The following OSBPL11 variants were observed in gnomAD, a reference collection of about 807,000 sequenced individuals.
The protein encoded by OSBPL11 is oxysterol binding protein like 11, also known as oxysterol-binding protein-related protein 11.
In OSBPL11, 33 loss-of-function variants were observed where a neutral mutation model predicts 84.4. The ratio of observed to expected loss-of-function variants is 0.39; its 90% CI spans 0.30 to 0.52. OSBPL11 has a LOEUF of 0.52. OSBPL11 is among the 20% of genes least tolerant of loss of function. The pLI, the probability that OSBPL11 is intolerant of heterozygous loss-of-function variation, is 0.72. For missense variants in OSBPL11, 736 were observed against 901.1 expected (o/e 0.82, Z 2.35); for synonymous variants, 276 against 310.2 (o/e 0.89, Z 1.16).
rs184373188 is a variant in OSBPL11 at position 125,554,740 on chromosome 3, A to G, written c.1156-2061T>C. Reference sequence around the variant, plus strand: ...AATCAGAAAATTTAAAAACATGACAATAATTAAAAGTCAAAAGAAGAGTTA... The same window carrying G: ...AATCAGAAAATTTAAAAACATGACAGTAATTAAAAGTCAAAAGAAGAGTTA... On this transcript the variant is annotated intron_variant, in intron 8 of 12. Coordinates refer to ENST00000296220, the MANE Select transcript of OSBPL11 (RefSeq NM_022776.5). Among the ~76,000 whole-genome samples the G allele has an allele frequency of 1.2e-4, 18 of 152,258 alleles. No homozygotes were observed. The East Asian group carries it at 2.9e-3, about 24-fold the overall frequency.
intron 10 of OSBPL11, among the ~76,000 whole-genome samples, chr3:125,545,354 A>G (rs1360122457): frequency 1.1e-4 from 17 of 152,344 alleles, no homozygotes; most frequent in Non-Finnish European, 2.9e-5. Flanking sequence ...GATGAATCAG[A>G]ACTAAAAATT....
chr3:125,543,868 C>A (rs1170377387), intron 10 of OSBPL11, among the ~76,000 whole-genome samples: 1 of 151,866 alleles, frequency 6.6e-6, no homozygotes, highest in Non-Finnish European at 1.5e-5. Context: ...CCACTGCACT[C>A]CAGCCTGGGC....
chr3:125,563,190 C>T (rs1936102851), intron 7 of OSBPL11, among the ~76,000 whole-genome samples: 1 of 152,096 alleles, frequency 6.6e-6, no homozygotes, highest in Admixed American at 6.5e-5. Context: ...AAACACTCTT[C>T]AGCTTCTAAG....
At chr3:125,572,934 CACAT>C (rs1007304196) in intron 5 of OSBPL11, among the ~76,000 whole-genome samples, 7 of 141,278 alleles carry the variant, frequency 5.0e-5, no homozygotes, top group African/African-American at 1.8e-4. Context: ...TACACACACA[CACAT>C]ACTTTAAAGC....
intron 8 of OSBPL11, among the ~76,000 whole-genome samples, chr3:125,556,810 C>A (rs1278457324): frequency 6.6e-6 from 1 of 152,094 alleles, no homozygotes; most frequent in Non-Finnish European, 1.5e-5. Context: ...ATAATTAACA[C>A]ACAAGTCAAG....
At chr3:125,535,722 G>A (rs921523615) in intron 11 of OSBPL11, among the ~76,000 whole-genome samples, 2 of 150,170 alleles carry the variant, frequency 1.3e-5, no homozygotes, top group African/African-American at 4.9e-5. Flanking sequence ...TGACACACCC[G>A]CCTTGGCCTT....
chr3:125,569,826 A>G (rs1487382223), intron 5 of OSBPL11, among the ~76,000 whole-genome samples: 1 of 152,248 alleles, frequency 6.6e-6, no homozygotes, highest in Admixed American at 6.5e-5. Context: ...CCGAAGGAGT[A>G]CATACTATAT....
chr3:125,555,968 C>A (rs1178468223), intron 8 of OSBPL11, among the ~76,000 whole-genome samples: 1 of 152,226 alleles, frequency 6.6e-6, no homozygotes, highest in African/African-American at 2.4e-5. Context: ...CAGGCGTGAG[C>A]CACTGCACCT....
intron 1 of OSBPL11, among the ~76,000 whole-genome samples, chr3:125,592,922 T>G (rs1381509921): frequency 6.6e-6 from 1 of 152,086 alleles, no homozygotes; most frequent in African/African-American, 2.4e-5. Flanking sequence ...AACACATAAG[T>G]GTAAATCTTT....
chr3:125,560,502 A>G lies in OSBPL11; in HGVS notation c.1032T>C (p.Asn344=). 1 of 1,576,952 alleles carries G rather than the reference A, an allele frequency of 6.3e-7. No individual in the cohort carries two copies. Among genetic ancestry groups the G allele is most frequent in the Non-Finnish European group, 8.6e-7 (1 of 1,159,306 alleles). ...ATGTATCCTCTATCTCATCATCTGCATTTATTTCTTCAGGCTCCTTGATGG... is the reference window on the plus strand; with the variant it reads ...ATGTATCCTCTATCTCATCATCTGCGTTTATTTCTTCAGGCTCCTTGATGG... ...GLLAREPEEI[N]ADDEIEDTCD... is the part of the protein sequence containing the mutation. Residue 344 remains asparagine (N), a synonymous_variant, in exon 8 of 13, where the codon AAT becomes AAC. Coordinates refer to ENST00000296220, the MANE Select transcript of OSBPL11 (RefSeq NM_022776.5).
At position 125,594,929 on chromosome 3, in the gene OSBPL11, C is replaced by G; in HGVS notation, c.-129G>C. On this transcript the variant is annotated 5_prime_UTR_variant, in exon 1 of 13. Coordinates refer to ENST00000296220, the MANE Select transcript of OSBPL11 (RefSeq NM_022776.5). ...TTGCTAAATCACACGGCGGCTGGGG[C>G]GGGACTGTCAAATGGTCCAGAAAAG... The G allele has an allele frequency of 9.8e-7, 1 of 1,019,018 alleles. No individual in the cohort carries two copies. The highest frequency in any genetic ancestry group is 2.4e-4 in the Middle Eastern group (1 of 4,120). 63.1% of individuals were successfully genotyped at this position (1,019,018 alleles called of 1,614,324 possible).
At chr3:125,546,840 T>C (rs560306642) in intron 10 of OSBPL11, among the ~76,000 whole-genome samples, 2 of 152,104 alleles carry the variant, frequency 1.3e-5, no homozygotes, top group East Asian at 1.9e-4. Context: ...GGAGCCAAGA[T>C]TGTGCCACTG....
intron 8 of OSBPL11, among the ~76,000 whole-genome samples, chr3:125,554,242 G>A (rs544190608): frequency 2.0e-5 from 3 of 152,266 alleles, no homozygotes; most frequent in East Asian, 3.9e-4. Flanking sequence ...TAAGAGAGTG[G>A]ATACCAAGTG....
chr3:125,538,028 T>C (rs1935667746), intron 11 of OSBPL11, among the ~76,000 whole-genome samples: 1 of 152,228 alleles, frequency 6.6e-6, no homozygotes, highest in Non-Finnish European at 1.5e-5. Context: ...TACCTCTGAA[T>C]TCTAATTACC....
At chr3:125,581,965 C>T (rs1042258412) in intron 2 of OSBPL11, among the ~76,000 whole-genome samples, 6 of 151,736 alleles carry the variant, frequency 4.0e-5, no homozygotes, top group African/African-American at 1.2e-4. Flanking sequence ...CAGAGCAAGA[C>T]CCTGTCTCAA....
chr3:125,547,489 T>C lies in OSBPL11; in HGVS notation c.1758A>G (p.Lys586=), dbSNP rs1273712985. ...LTVPWVELGG[K]VSVNCAKTGY... ...CAGTTTTTGCACAGTTGACACTGAC[T>C]TTGCCACCCAGTTCTACCCAAGGAA... Residue 586 remains lysine (K), a synonymous_variant, in exon 10 of 13, where the codon AAA becomes AAG. Coordinates refer to ENST00000296220, the MANE Select transcript of OSBPL11 (RefSeq NM_022776.5). 1 of 1,614,062 alleles carries C rather than the reference T, an allele frequency of 6.2e-7. No homozygotes were observed. Among genetic ancestry groups the C allele is most frequent in the Non-Finnish European group, 8.5e-7 (1 of 1,179,994 alleles).
intron 10 of OSBPL11, among the ~76,000 whole-genome samples, chr3:125,542,083 G>T (rs1935736953): frequency 6.6e-6 from 1 of 152,102 alleles, no homozygotes; most frequent in Non-Finnish European, 1.5e-5. Context: ...CAGGACAAAG[G>T]GAAATTGAGA....
At position 125,563,703 on chromosome 3, in the gene OSBPL11, C is replaced by G. The variant is rs146042429; in HGVS notation, c.1009G>C (p.Ala337Pro). 1.5e-4 allele frequency: 237 copies of G among 1,614,082 alleles called. 3 individuals are homozygous for G. In the South Asian group the frequency reaches 2.4e-3, roughly 17 times the overall value. The change falls in exon 7 of 13, where the codon GCG becomes CCG. Residue 337 changes from alanine (A) to proline (P), a missense_variant. Ala to Pro is a conservative substitution (Grantham distance 27). Coordinates refer to ENST00000296220, the MANE Select transcript of OSBPL11 (RefSeq NM_022776.5). ...ATATTTTTATATTACCTTACCCTCG[C>G]TAATAGTCCAGATTCTGCAACAGGC... ...EQPVAESGLLAREPEEINADD... is the reference protein window; with the variant it reads ...EQPVAESGLLPREPEEINADD...
intron 4 of OSBPL11, 38 bp downstream of exon 4, chr3:125,578,922 C>T: frequency 7.9e-7 from 1 of 1,273,654 alleles, no homozygotes; most frequent in Non-Finnish European, 1.1e-6. Context: ...ATTCCTTCCT[C>T]ATTTTTGTAT....
Sources: allele counts gnomAD v4.1 joint callset (sites outside exome capture counted in the v4.1 genomes callset), GRCh38; gene constraint gnomAD v4.1.1; transcripts MANE v1.5; gene names NCBI Gene and HGNC (gene_info 2026-07-23, HGNC 2026-07-21).